The following RTP2 variants were observed in gnomAD, a reference collection of about 807,000 sequenced individuals.
RTP2 encodes the protein receptor transporter protein 2.
Under a neutral mutation model 17.9 loss-of-function variants are expected in RTP2, and 12 were observed. That is an observed-to-expected ratio of 0.67 (90% CI 0.43 to 1.09). The LOEUF is 1.09. Among genes scored for constraint, RTP2 ranks in the 50% least tolerant of loss-of-function variants. The pLI is 0.00. For missense variants in RTP2, 327 were observed against 295.7 expected, an observed-to-expected ratio of 1.11 and a Z score of -0.78; for synonymous variants, 126 against 117.7, an observed-to-expected ratio of 1.07 and a Z score of -0.46.
At chr3:187,710,037 T>C in the RTP2 span, among the ~76,000 whole-genome samples, 2 of 152,170 alleles carry the variant, frequency 1.3e-5, no homozygotes, top group Non-Finnish European at 2.9e-5. Context: ...CTATTTGAAC[T>C]GGTGAATTGA....
the RTP2 span, among the ~76,000 whole-genome samples, chr3:187,715,041 C>T: frequency 1.4e-5 from 2 of 146,916 alleles, no homozygotes; most frequent in African/African-American, 2.7e-5. Flanking sequence ...ATTCAGGTTA[C>T]AGGTTACAGG....
chr3:187,711,591 C>T, the RTP2 span, among the ~76,000 whole-genome samples: 2 of 152,284 alleles, frequency 1.3e-5, no homozygotes, highest in South Asian at 4.1e-4. Context: ...GTTGATCTTT[C>T]TTAATTATGC....
chr3:187,702,862 G>A (rs376502009), upstream of RTP2, among the ~76,000 whole-genome samples: 3 of 152,348 alleles, frequency 2.0e-5, no homozygotes, highest in African/African-American at 4.8e-5. Context: ...CAGTTGGTGA[G>A]CTAGAATGTA....
the RTP2 span, among the ~76,000 whole-genome samples, chr3:187,711,376 G>C: frequency 2.0e-5 from 3 of 152,198 alleles, no homozygotes; most frequent in Non-Finnish European, 1.5e-5. Flanking sequence ...TATGCCATTA[G>C]GGAACCCACT....
At chr3:187,707,384 C>T (rs1159815500), upstream of RTP2, among the ~76,000 whole-genome samples, 2 of 152,156 alleles carry the variant, frequency 1.3e-5, no homozygotes, top group Admixed American at 1.3e-4. Flanking sequence ...TGCATTGTCA[C>T]AGCAGGTAGG....
intron 1 of RTP2, among the ~76,000 whole-genome samples, chr3:187,699,836 G>T (rs1048611447): frequency 6.6e-6 from 1 of 151,186 alleles, no homozygotes; most frequent in African/African-American, 2.4e-5. Flanking sequence ...CGTAACCTGG[G>T]CTTTCTAGAG....
the RTP2 span, among the ~76,000 whole-genome samples, chr3:187,710,651 A>C: frequency 6.6e-6 from 1 of 151,976 alleles, no homozygotes; most frequent in African/African-American, 2.4e-5. Context: ...ACAAACACAT[A>C]TACACACCCC....
chr3:187,711,472 G>T, the RTP2 span, among the ~76,000 whole-genome samples: 1 of 152,204 alleles, frequency 6.6e-6, no homozygotes. Flanking sequence ...ATATAAACAA[G>T]TGGAATTTTT....
the RTP2 span, among the ~76,000 whole-genome samples, chr3:187,712,168 T>C: frequency 1.3e-5 from 2 of 152,116 alleles, no homozygotes; most frequent in African/African-American, 4.8e-5. Flanking sequence ...ACGATGTAAG[T>C]CTGAATAAGG....
Position 187,702,358 on chromosome 3 carries a change from C to G in RTP2, c.-230G>C, listed in dbSNP as rs1579783640. ...GAAGGGAAGCCCCAAGGGGGAGTTT[C>G]AGGGCCCTGAGTTAGGCTTCAGAGG... On this transcript the variant is annotated 5_prime_UTR_variant, in exon 1 of 2. Transcript: ENST00000358241. The G allele has an allele frequency of 1.4e-5, 8 of 564,654 alleles. No individual in the cohort carries two copies. The East Asian group carries it at 2.6e-4, about 19-fold the overall frequency. The allele number at this position is 564,654 out of a possible 1,614,324, so 35.0% of individuals were successfully genotyped here.
chr3:187,703,720 A>G (rs1717918952), upstream of RTP2, among the ~76,000 whole-genome samples: 1 of 152,310 alleles, frequency 6.6e-6, no homozygotes, highest in South Asian at 2.1e-4. Flanking sequence ...AGCTGAGATG[A>G]GCTTATGGCC....
In RTP2 at chr3:187,699,084, G is replaced by GA. The variant is rs200849161; in HGVS notation, c.165-74dup. On this transcript the variant is annotated intron_variant, in intron 1 of 1. Coordinates refer to ENST00000358241, the Ensembl canonical transcript of RTP2. ...GCCTGCCCTGAGAAGCTCTGAGAGG[G>GA]AAAAAAAAGCCTGTGTGCCCGTGCT... 2.5e-3 allele frequency: 3,693 copies of GA among 1,469,736 alleles called. 63 individuals are homozygous for GA. The African/African-American group carries it at 0.04, about 16-fold the overall frequency. The allele number at this position is 1,469,736 out of a possible 1,614,324, so 91.0% of individuals were successfully genotyped here.
exon 1 of RTP2, chr3:187,702,143 A>C (rs1016288796): frequency 1.9e-6 from 3 of 1,588,448 alleles, no homozygotes; most frequent in Non-Finnish European, 2.6e-6. Flanking sequence ...CTGCTGGCAG[A>C]GGTGGCAGTT....
the RTP2 span, among the ~76,000 whole-genome samples, chr3:187,711,153 G>A: frequency 5.9e-5 from 9 of 152,212 alleles, no homozygotes; most frequent in South Asian, 6.2e-4. Flanking sequence ...CTTTGTTGGC[G>A]CTTTAGGATC....
chr3:187,705,484 T>A (rs1717969138), upstream of RTP2, among the ~76,000 whole-genome samples: 1 of 152,216 alleles, frequency 6.6e-6, no homozygotes, highest in Non-Finnish European at 1.5e-5. Flanking sequence ...TGGGCAGACT[T>A]TTAAAAATAT....
chr3:187,709,847 G>A, the RTP2 span, among the ~76,000 whole-genome samples: 9 of 151,768 alleles, frequency 5.9e-5, no homozygotes, highest in African/African-American at 2.2e-4. Context: ...CTTGACCAAG[G>A]GGTGCTCAAA....
chr3:187,703,199 T>C (rs1293953181), upstream of RTP2, among the ~76,000 whole-genome samples: 2 of 152,252 alleles, frequency 1.3e-5, no homozygotes, highest in Non-Finnish European at 2.9e-5. Flanking sequence ...CTGCTTACCC[T>C]AGCTTTGGTC....
chr3:187,713,425 G>A, the RTP2 span, among the ~76,000 whole-genome samples: 3 of 152,230 alleles, frequency 2.0e-5, no homozygotes, highest in African/African-American at 7.2e-5. Context: ...CACAAACAAA[G>A]CTATGAAAGA....
At chr3:187,708,625 T>G in the RTP2 span, among the ~76,000 whole-genome samples, 6 of 152,230 alleles carry the variant, frequency 3.9e-5, no homozygotes, top group African/African-American at 1.4e-4. Flanking sequence ...AGCAGACTAG[T>G]TCCTCATCTT....
Sources: gnomAD v4.1 joint callset for allele counts (sites outside exome capture counted in the v4.1 genomes callset) on GRCh38, gnomAD v4.1.1 for gene constraint, MANE v1.5 for transcripts, NCBI Gene and HGNC (gene_info 2026-07-23, HGNC 2026-07-21) for gene names.